The following CYSTM1 variants were observed in gnomAD, a reference collection of about 807,000 sequenced individuals.
CYSTM1 encodes cysteine-rich transmembrane module-containing protein 1.
A neutral mutation model predicts 13.1 loss-of-function variants in CYSTM1; 4 were observed. The observed-to-expected ratio is 0.31, with a 90% CI of 0.15 to 0.70. The LOEUF (loss-of-function observed/expected upper bound fraction) is 0.70, where lower values mean the gene tolerates loss of function less well. Among genes scored for constraint, CYSTM1 ranks in the 30% least tolerant of loss-of-function variants. The probability of loss-of-function intolerance (pLI) is 0.72; values close to 1 mark genes in which losing one functional copy is unlikely to be tolerated. For missense variants in CYSTM1, 96 were observed against 121.6 expected, an observed-to-expected ratio of 0.79 and a Z score of 0.99; for synonymous variants, 36 against 42.7, an observed-to-expected ratio of 0.84 and a Z score of 0.62.
rs28573694 is a variant in CYSTM1 at position 140,230,366 on chromosome 5, T to G, written c.188-12939T>G. Among the ~76,000 whole-genome samples, 34,989 of 151,982 alleles carry G rather than the reference T, an allele frequency of 0.23. 4,016 individuals are homozygous for G. Among genetic ancestry groups the G allele is most frequent in the African/African-American group, 0.25 (10,296 of 41,436 alleles). On this transcript the variant is annotated intron_variant, in intron 2 of 2. Coordinates refer to ENST00000261811, the MANE Select transcript of CYSTM1 (RefSeq NM_032412.4). This position sits in a 1 kb window ranked among gnomAD's most constrained non-coding sequence, Gnocchi z 4.1. ...AAATGCTTTTATTATAAGTTAACAA[T>G]TAGACAGGATTCCAGCTCAAATCTG... is the stretch of plus-strand genomic sequence containing the variant.
chr5:140,191,296 T>A (rs1284412288), intron 1 of CYSTM1, among the ~76,000 whole-genome samples: 1 of 152,086 alleles, frequency 6.6e-6, no homozygotes. Context: ...GAGGTCATGG[T>A]AGCTGGAGCA....
chr5:140,218,547 G>T (rs1764457322), intron 2 of CYSTM1, among the ~76,000 whole-genome samples: 1 of 152,178 alleles, frequency 6.6e-6, no homozygotes, highest in African/African-American at 2.4e-5. Flanking sequence ...ACTAAAGCTG[G>T]AAGAGGCTGT....
intron 1 of CYSTM1, among the ~76,000 whole-genome samples, chr5:140,190,196 C>A (rs1333407481): frequency 1.3e-5 from 2 of 152,124 alleles, no homozygotes; most frequent in Non-Finnish European, 2.9e-5. Flanking sequence ...TTTTCTTACA[C>A]AGTATTACAT....
chr5:140,231,543 A>G (rs1224677299), intron 2 of CYSTM1, among the ~76,000 whole-genome samples: 2 of 152,236 alleles, frequency 1.3e-5, no homozygotes, highest in Non-Finnish European at 2.9e-5. Context: ...CATTAAATAA[A>G]CCCACAGGTA....
intron 2 of CYSTM1, among the ~76,000 whole-genome samples, chr5:140,197,634 T>C (rs2436399): frequency 0.76 from 115,715 of 152,072 alleles, 44,380 homozygotes; most frequent in African/African-American, 0.82. Context: ...TGTGGGATTC[T>C]CAGTCAGAAT....
chr5:140,185,136 T>C (rs1764001119), intron 1 of CYSTM1, among the ~76,000 whole-genome samples: 1 of 152,268 alleles, frequency 6.6e-6, no homozygotes, highest in Admixed American at 6.5e-5. Flanking sequence ...GGTTTTTGTA[T>C]CAGATATTTT....
rs139180260 is a variant in CYSTM1, at chr5:140,204,879, G to A, written c.187+10227G>A. Among the ~76,000 whole-genome samples the A allele has an allele frequency of 9.2e-5, 14 of 152,242 alleles. No individual in the cohort carries two copies. In the East Asian group the frequency reaches 2.5e-3, roughly 27 times the overall value. On this transcript the variant is annotated intron_variant, in intron 2 of 2. Transcript: ENST00000261811. ...GTTGTGAGTTCATGTTCAGTGTCTG[G>A]TGCCCTTGTCACTTTCCCTTAGAGA...
intron 1 of CYSTM1, among the ~76,000 whole-genome samples, chr5:140,189,092 G>C (rs1764058694): frequency 2.0e-5 from 3 of 152,048 alleles, no homozygotes; most frequent in African/African-American, 7.3e-5. Context: ...GGCTGTTCTT[G>C]TACCTCATAT....
chr5:140,243,240 C>A, intron 2 of CYSTM1, 65 bp from the exon 3 acceptor site: 2 of 1,405,306 alleles, frequency 1.4e-6, no homozygotes, highest in Non-Finnish European at 1.0e-6. Flanking sequence ...TCCTGGGAGG[C>A]TAACTTTGCA....
chr5:140,176,421 A>G (rs1229307068), intron 1 of CYSTM1, among the ~76,000 whole-genome samples: 1 of 152,252 alleles, frequency 6.6e-6, no homozygotes, highest in South Asian at 2.1e-4. Context: ...TGATACATGT[A>G]AACTTTGTGG....
intron 2 of CYSTM1, among the ~76,000 whole-genome samples, chr5:140,242,851 C>A (rs1329129382): frequency 6.6e-6 from 1 of 152,196 alleles, no homozygotes; most frequent in Non-Finnish European, 1.5e-5. Flanking sequence ...GAATGAAAAA[C>A]CAGGGCTCTT....
chr5:140,206,840 G>A (rs1357312732), intron 2 of CYSTM1, among the ~76,000 whole-genome samples: 1 of 152,102 alleles, frequency 6.6e-6, no homozygotes, highest in Non-Finnish European at 1.5e-5. Flanking sequence ...ACCAAACACT[G>A]CCCCGGTTGG....
At chr5:140,195,598 C>T (rs1764145668) in intron 2 of CYSTM1, among the ~76,000 whole-genome samples, 3 of 151,660 alleles carry the variant, frequency 2.0e-5, no homozygotes, top group African/African-American at 7.2e-5. Context: ...CCTGCCACCA[C>T]GCCCGGCTAA....
At chr5:140,187,054 A>C (rs1480533925) in intron 1 of CYSTM1, among the ~76,000 whole-genome samples, 1 of 152,126 alleles carries the variant, frequency 6.6e-6, no homozygotes, top group Admixed American at 6.5e-5. Flanking sequence ...TGAACCCGGA[A>C]GGCAGAGGTT....
intron 2 of CYSTM1, among the ~76,000 whole-genome samples, chr5:140,209,133 G>A (rs1764333116): frequency 6.6e-6 from 1 of 151,996 alleles, no homozygotes; most frequent in Non-Finnish European, 1.5e-5. Flanking sequence ...GTAACTACTT[G>A]TCACGTGATT....
chr5:140,188,695 C>T (rs1373748697), intron 1 of CYSTM1, among the ~76,000 whole-genome samples: 2 of 147,830 alleles, frequency 1.4e-5, no homozygotes, highest in African/African-American at 2.5e-5. Flanking sequence ...AGGAGACTGG[C>T]GTGAACCCGG....
intron 2 of CYSTM1, among the ~76,000 whole-genome samples, chr5:140,212,756 C>T (rs907663865): frequency 6.6e-6 from 1 of 151,990 alleles, no homozygotes; most frequent in African/African-American, 2.4e-5. Flanking sequence ...TGCTTGAGCC[C>T]AGGAGTTTGA....
intron 2 of CYSTM1, among the ~76,000 whole-genome samples, chr5:140,195,684 G>A (rs1764147130): frequency 6.7e-6 from 1 of 150,204 alleles, no homozygotes; most frequent in Non-Finnish European, 1.5e-5. Flanking sequence ...GCCCCCCTTG[G>A]CCTTCCAAAG....
chr5:140,222,355 G>A (rs558359432), intron 2 of CYSTM1, among the ~76,000 whole-genome samples: 8 of 152,206 alleles, frequency 5.3e-5, no homozygotes, highest in South Asian at 2.1e-4. Context: ...GCACAGGACC[G>A]GTTTTTCCCC....
Sources: allele counts gnomAD v4.1 joint callset (sites outside exome capture counted in the v4.1 genomes callset), GRCh38; gene constraint gnomAD v4.1.1; non-coding constraint Gnocchi (gnomAD v3.1); transcripts MANE v1.5; gene names NCBI Gene and HGNC (gene_info 2026-07-23, HGNC 2026-07-21).